Variants in SOS1 observed in about 807,000 individuals in gnomAD.
SOS1 encodes the protein SOS Ras/Rac guanine nucleotide exchange factor 1.
SOS1 carries 25 observed loss-of-function variants against 157.6 expected under a neutral mutation model. The ratio of observed to expected loss-of-function variants is 0.16; its 90% CI spans 0.12 to 0.22. The LOEUF (loss-of-function observed/expected upper bound fraction) is 0.22, where lower values mean the gene tolerates loss of function less well. SOS1 is among the 10% of genes least tolerant of loss of function. The pLI, the probability that SOS1 is intolerant of heterozygous loss-of-function variation, is 1.00. For missense variants in SOS1, 1,237 were observed against 1,599.1 expected (o/e 0.77, Z 3.86); for synonymous variants, 528 against 534.0 (o/e 0.99, Z 0.16).
At chr2:39,079,347 G>A (rs1023832477) in intron 1 of SOS1, among the ~76,000 whole-genome samples, 1 of 151,974 alleles carries the variant, frequency 6.6e-6, no homozygotes, top group Non-Finnish European at 1.5e-5. Context: ...TATGTTCATT[G>A]TTTATTAATT....
At chr2:39,023,396 A>C (rs1443373755) in intron 9 of SOS1, among the ~76,000 whole-genome samples, 171 bp from the exon 10 acceptor site, 1 of 152,094 alleles carries the variant, frequency 6.6e-6, no homozygotes, top group Non-Finnish European at 1.5e-5. Context: ...AATTAAAGCA[A>C]CCTAGAAATT....
intron 1 of SOS1, among the ~76,000 whole-genome samples, chr2:39,104,933 T>C (rs1673109475): frequency 6.6e-6 from 1 of 152,246 alleles, no homozygotes; most frequent in East Asian, 1.9e-4. Context: ...TAGTAATCGT[T>C]GCACAACATT....
At chr2:39,033,211 T>C (rs1316542856) in intron 8 of SOS1, among the ~76,000 whole-genome samples, 4 of 97,632 alleles carry the variant, frequency 4.1e-5, no homozygotes, top group African/African-American at 1.7e-4. Context: ...TCTGGGATTA[T>C]AGGTGTGCAG....
chr2:39,035,401 G>A lies in SOS1; in HGVS notation c.964C>T (p.Leu322Phe). The A allele has an allele frequency of 6.2e-7, 1 of 1,612,412 alleles. No homozygotes were observed. Among genetic ancestry groups the A allele is most frequent in the South Asian group, 1.1e-5 (1 of 91,050 alleles). The change falls in exon 7 of 23, where the codon CTT (leucine) becomes TTT (phenylalanine). Residue 322 changes from leucine (L) to phenylalanine (F), a missense_variant. By Grantham distance (22) the Leu-to-Phe change is conservative (BLOSUM62 0). This residue lies in a region of SOS1 where 101 missense variants were observed against 171.5 expected (regional missense o/e 0.59). Coordinates refer to ENST00000402219, the MANE Select transcript of SOS1 (RefSeq NM_005633.4). ...LSQLSKPGAA[L>F]YLQSIGEGFK... ...AAAAATTACTATACCTGCAAATAAA[G>A]TGCTGCCCCAGGCTTTGATAACTGA...
chr2:39,032,996 A>C (rs1381970800), intron 8 of SOS1, among the ~76,000 whole-genome samples: 1 of 152,076 alleles, frequency 6.6e-6, no homozygotes, highest in African/African-American at 2.4e-5. Context: ...GCGAAGAGGC[A>C]GTAATATGAA....
chr2:39,040,626 G>A (rs1670536745), intron 6 of SOS1, among the ~76,000 whole-genome samples: 1 of 151,976 alleles, frequency 6.6e-6, no homozygotes, highest in Admixed American at 6.6e-5. Context: ...ACGTTTCCAA[G>A]GTTCATCCAT....
Position 39,071,995 on chromosome 2 carries a change from G to T in SOS1, c.88-4242C>A, listed in dbSNP as rs114765616. On this transcript the variant is annotated intron_variant, in intron 1 of 22. Coordinates refer to ENST00000402219, the MANE Select transcript of SOS1 (RefSeq NM_005633.4). Reference sequence around the variant, plus strand: ...CAAAACCCAGATTACACCCCATTTAGGAAGACTTTCTTGTTTCTTATCTCT... The same window carrying T: ...CAAAACCCAGATTACACCCCATTTATGAAGACTTTCTTGTTTCTTATCTCT... Among the ~76,000 whole-genome samples, 859 of 150,092 alleles carry T rather than the reference G, an allele frequency of 5.7e-3. 15 individuals carry two copies. Among genetic ancestry groups the T allele is most frequent in the African/African-American group, 0.02 (823 of 40,732 alleles).
chr2:39,089,343 C>T (rs1358374262), intron 1 of SOS1, among the ~76,000 whole-genome samples: 2 of 151,952 alleles, frequency 1.3e-5, no homozygotes, highest in African/African-American at 4.8e-5. Flanking sequence ...CTAGACTGGC[C>T]AACATGGTGA....
At position 39,067,130 on chromosome 2, in the gene SOS1, C is replaced by T. The variant is rs550540272; in HGVS notation, c.213+498G>A. Reference sequence around the variant, plus strand: ...GGCTCAAGTGATCCTCCTGACTCAGCGTCCTGAGTAGCTGGGACTACAGGC... The same window carrying T: ...GGCTCAAGTGATCCTCCTGACTCAGTGTCCTGAGTAGCTGGGACTACAGGC... On this transcript the variant is annotated intron_variant, in intron 2 of 22. Transcript: ENST00000402219. Among the ~76,000 whole-genome samples the T allele has an allele frequency of 2.4e-4, 37 of 152,256 alleles. 1 individual carries two copies. In the Middle Eastern group the frequency reaches 0.01, roughly 42 times the overall value.
chr2:39,003,552 C>T (rs568447968), intron 17 of SOS1, among the ~76,000 whole-genome samples: 2 of 152,180 alleles, frequency 1.3e-5, no homozygotes, highest in African/African-American at 4.8e-5. Context: ...TTAGAAAACC[C>T]AAGGAAATTA....
intron 1 of SOS1, among the ~76,000 whole-genome samples, chr2:39,103,911 AAAGGTCTAATATC>A (rs1481480371): frequency 2.0e-5 from 3 of 152,222 alleles, no homozygotes; most frequent in Non-Finnish European, 4.4e-5. Flanking sequence ...TATATTGGAT[AAAGGTCTAATATC>A]AAGAATATAT....
chr2:39,039,356 G>A, intron 6 of SOS1, among the ~76,000 whole-genome samples: 1 of 152,158 alleles, frequency 6.6e-6, no homozygotes, highest in East Asian at 1.9e-4. Context: ...AAACTAGAAG[G>A]GGAAGTTGCT....
intron 8 of SOS1, among the ~76,000 whole-genome samples, chr2:39,028,490 T>A (rs1670046848): frequency 6.6e-6 from 1 of 152,218 alleles, no homozygotes; most frequent in South Asian, 2.1e-4. Context: ...TGAATTCGTT[T>A]TTATTCCTTG....
At chr2:39,007,230 G>A (rs1669309709) in intron 15 of SOS1, 37 bp from the exon 16 acceptor site, 1 of 1,308,532 alleles carries the variant, frequency 7.6e-7, no homozygotes. Context: ...AGGTTTTAGA[G>A]TTTTTCCAAT....
rs1410978024 is a variant in SOS1, at chr2:38,986,152, A to AC, written c.3673dup (p.Val1225GlyfsTer19). 6.2e-7 allele frequency: 1 copy of AC among 1,613,608 alleles called. No individual in the cohort carries two copies. On this transcript the variant is annotated frameshift_variant, in exon 23 of 23. Coordinates refer to ENST00000402219, the MANE Select transcript of SOS1 (RefSeq NM_005633.4). LOFTEE classifies it high-confidence loss of function. ...GAGATGTAGTGGTGAGCTTGAGAAAACATCAGGTGTCCTCACAGGTTCTCG... is the reference window on the plus strand; with the variant it reads ...GAGATGTAGTGGTGAGCTTGAGAAAACCATCAGGTGTCCTCACAGGTTCTCG...
At chr2:39,071,094 C>A (rs1163592703) in intron 1 of SOS1, among the ~76,000 whole-genome samples, 1 of 152,166 alleles carries the variant, frequency 6.6e-6, no homozygotes, top group Non-Finnish European at 1.5e-5. Context: ...TCTCGAACCC[C>A]TGACCTCAAG....
rs370672783 is a variant in SOS1, at chr2:39,011,289, G to C, written c.2391-586C>G. ...AGCATTTTGCTTTGGGCAAGGTTGA[G>C]ACTCCTCCATAATATCTTTCCCAGC... is the stretch of plus-strand genomic sequence containing the variant. On this transcript the variant is annotated intron_variant, in intron 14 of 22. Transcript: ENST00000402219. Among the ~76,000 whole-genome samples, 5 of 152,286 alleles carry C rather than the reference G, an allele frequency of 3.3e-5. No homozygotes were observed. In the East Asian group the frequency reaches 5.8e-4, roughly 18 times the overall value.
At chr2:39,020,894 GA>G (rs1669774289) in intron 10 of SOS1, among the ~76,000 whole-genome samples, 2 of 55,490 alleles carry the variant, frequency 3.6e-5, no homozygotes. Context: ...AGACAGAAAA[GA>G]AAAATATCAA....
chr2:39,035,366 A>C (rs536386931), intron 7 of SOS1, 24 bp downstream of exon 7: 11 of 1,600,900 alleles, frequency 6.9e-6, no homozygotes, highest in Non-Finnish European at 9.4e-6. Flanking sequence ...GACATTGTAC[A>C]TCTTCATTTA....
Sources: gnomAD v4.1 joint callset for allele counts (sites outside exome capture counted in the v4.1 genomes callset) on GRCh38, gnomAD v4.1.1 for gene constraint, gnomAD v4.1.1 regional missense constraint, MANE v1.5 for transcripts, NCBI Gene and HGNC (gene_info 2026-07-23, HGNC 2026-07-21) for gene names.